The following VAV2 variants were observed in gnomAD, a reference collection of about 807,000 sequenced individuals.
VAV2 encodes vav guanine nucleotide exchange factor 2, also known as guanine nucleotide exchange factor VAV2.
A neutral mutation model predicts 132.5 loss-of-function variants in VAV2; 67 were observed. The ratio of observed to expected loss-of-function variants is 0.51; its 90% CI spans 0.42 to 0.62. The LOEUF is 0.62. Ranked by LOEUF, VAV2 falls within the 20% of genes least tolerant of loss-of-function variation. VAV2 has a pLI of 0.00. For synonymous variants in VAV2, 492 were observed against 443.5 expected, an observed-to-expected ratio of 1.11 and a Z score of -1.37; for missense variants, 938 against 1,153.6, an observed-to-expected ratio of 0.81 and a Z score of 2.71.
intron 5 of VAV2, among the ~76,000 whole-genome samples, chr9:133,811,579 C>T (rs1350944905): frequency 1.3e-5 from 2 of 152,194 alleles, no homozygotes; most frequent in East Asian, 1.9e-4. Context: ...TAAACCCACG[C>T]GGAGCAAACT....
At chr9:133,820,765 C>A (rs376002317) in intron 4 of VAV2, among the ~76,000 whole-genome samples, 18 of 152,314 alleles carry the variant, frequency 1.2e-4, no homozygotes, top group East Asian at 9.6e-4. Context: ...AGGGAACCCT[C>A]AGGGGCTGGG....
At chr9:133,861,507 C>T (rs1837595342) in intron 2 of VAV2, 75 bp from the exon 3 acceptor site, 5 of 1,537,982 alleles carry the variant, frequency 3.3e-6, no homozygotes, top group Admixed American at 1.8e-5. Context: ...GGGGACGCTG[C>T]TTTGCAGGAC....
chr9:133,872,693 G>A (rs1404406306), intron 2 of VAV2, among the ~76,000 whole-genome samples: 1 of 152,078 alleles, frequency 6.6e-6, no homozygotes, highest in Admixed American at 6.5e-5. Context: ...TGGAGCACAG[G>A]AGGAGGCGTA....
chr9:133,989,626 A>G (rs1842956481), intron 1 of VAV2, among the ~76,000 whole-genome samples: 1 of 149,500 alleles, frequency 6.7e-6, no homozygotes, highest in Non-Finnish European at 1.5e-5. Flanking sequence ...TGGAGGTTGC[A>G]GTGAGCTGAG....
intron 2 of VAV2, among the ~76,000 whole-genome samples, chr9:133,904,198 C>G (rs1043425670): frequency 6.6e-6 from 1 of 152,216 alleles, no homozygotes; most frequent in African/African-American, 2.4e-5. Flanking sequence ...GGCTCTCCCC[C>G]AGAGCTCCGC....
intron 2 of VAV2, among the ~76,000 whole-genome samples, chr9:133,914,813 G>GAGGAGGGGAGGGCACGGGAGGAA (rs1167276369): frequency 1.4e-5 from 2 of 143,556 alleles, no homozygotes; most frequent in Non-Finnish European, 3.1e-5. Flanking sequence ...GAAGGGAGAA[G>GAGGAGGGGAGGGCACGGGAGGAA]GGGAGGGGAG....
rs1833978113 is a variant in VAV2 at position 133,780,728 on chromosome 9, C to G, written c.1724-18G>C. The G allele has an allele frequency of 1.6e-6, 2 of 1,273,848 alleles. No individual in the cohort carries two copies. Among genetic ancestry groups the G allele is most frequent in the South Asian group, 3.2e-5 (1 of 30,990 alleles). 78.9% of individuals were successfully genotyped at this position (1,273,848 alleles called of 1,614,324 possible). A position where few individuals can be genotyped will look rare whatever the true frequency, so the allele number is the denominator to read the frequency against. ...AGGAGAAGCTGGAAAGGAAGCAGGT[C>G]AGGTGTTAGAGGGGAGGCCACCGAC... On this transcript the variant is annotated intron_variant, in intron 19 of 29. Coordinates refer to ENST00000371850, the MANE Select transcript of VAV2 (RefSeq NM_001134398.2).
At chr9:133,910,087 G>A (rs1381636919) in intron 2 of VAV2, among the ~76,000 whole-genome samples, 3 of 152,154 alleles carry the variant, frequency 2.0e-5, no homozygotes, top group South Asian at 2.1e-4. Flanking sequence ...CTGAAAAGTC[G>A]GCTTCAATGA....
At chr9:133,903,096 AG>A (rs1194657154) in intron 2 of VAV2, among the ~76,000 whole-genome samples, 2 of 150,542 alleles carry the variant, frequency 1.3e-5, no homozygotes, top group African/African-American at 4.9e-5. Context: ...AAAAAAAAAA[AG>A]AGGTAGTTTG....
At position 133,928,412 on chromosome 9, in the gene VAV2, C is replaced by A. The variant is rs769257724; in HGVS notation, c.321+10691G>T. ...GCCGGGAGCCTGAGGCAGCTCCCCA[C>A]CCCAGCGAGGAGCGACTGCATTTTA... On this transcript the variant is annotated intron_variant, in intron 2 of 29. Transcript: ENST00000371850. This position sits in a 1 kb window ranked among gnomAD's most constrained non-coding sequence, Gnocchi z 5.4. 6.6e-6 allele frequency among the ~76,000 whole-genome samples: 1 copy of A among 152,202 alleles called. No homozygotes were observed. Among genetic ancestry groups the A allele is most frequent in the Non-Finnish European group, 1.5e-5 (1 of 68,048 alleles).
intron 6 of VAV2, among the ~76,000 whole-genome samples, 160 bp from the exon 7 acceptor site, chr9:133,809,298 A>T (rs895584923): frequency 6.6e-6 from 1 of 152,182 alleles, no homozygotes; most frequent in Non-Finnish European, 1.5e-5. Flanking sequence ...TGGGTGACAG[A>T]GAGGGCCAAC....
intron 1 of VAV2, among the ~76,000 whole-genome samples, chr9:133,952,085 C>T (rs1050648248): frequency 2.0e-5 from 3 of 152,052 alleles, no homozygotes; most frequent in East Asian, 1.9e-4. Flanking sequence ...CTCTTACGAC[C>T]TCATCTAAAC....
Position 133,857,969 on chromosome 9 carries a change from C to T in VAV2, c.380+3405G>A, listed in dbSNP as rs1392482600. Among the ~76,000 whole-genome samples the T allele has an allele frequency of 6.6e-6, 1 of 152,222 alleles. No individual in the cohort carries two copies. The highest frequency in any genetic ancestry group is 1.5e-5 in the Non-Finnish European group (1 of 68,036). On this transcript the variant is annotated intron_variant, in intron 3 of 29. Transcript: ENST00000371850. The surrounding 1 kb of genome is among the most constrained non-coding windows in gnomAD (Gnocchi z 4.0). ...TCGCTCTGCGCCCAGGAGGCCCTTC[C>T]CTTTGGCCTGCAAACACCTCCCCTT...
At chr9:133,800,523 G>A (rs546849834) in intron 9 of VAV2, among the ~76,000 whole-genome samples, 73 of 152,302 alleles carry the variant, frequency 4.8e-4, no homozygotes, top group African/African-American at 1.7e-3. Context: ...ACCAGGCCCC[G>A]CACCACTGCG....
Position 133,861,199 on chromosome 9 carries a change from C to T in VAV2, c.380+175G>A, listed in dbSNP as rs55719427. 7.3e-3 allele frequency: 4,469 copies of T among 612,956 alleles called. 37 individuals are homozygous for T. Among genetic ancestry groups the T allele is most frequent in the Non-Finnish European group, 9.8e-3 (3,777 of 383,802 alleles). The allele number at this position is 612,956 out of a possible 1,614,324, so 38.0% of individuals were successfully genotyped here. On this transcript the variant is annotated intron_variant, in intron 3 of 29. Coordinates refer to ENST00000371850, the MANE Select transcript of VAV2 (RefSeq NM_001134398.2). ...CCCCGGTGTGAGCTGAAGCCTCCCG[C>T]CCCCCACACCCCTTCCTGCAGCCGC...
intron 1 of VAV2, among the ~76,000 whole-genome samples, chr9:133,976,724 G>C (rs1374055390): frequency 7.9e-5 from 12 of 152,336 alleles, no homozygotes; most frequent in Non-Finnish European, 1.2e-4. Context: ...CGTTTTAAGA[G>C]AATCACGTGG....
intron 13 of VAV2, among the ~76,000 whole-genome samples, chr9:133,791,309 G>A (rs951094700): frequency 2.0e-5 from 3 of 152,142 alleles, no homozygotes; most frequent in Non-Finnish European, 2.9e-5. Context: ...GGGGTCCGAG[G>A]AGCAGAGGCG....
intron 3 of VAV2, among the ~76,000 whole-genome samples, chr9:133,841,459 G>A (rs7034116): frequency 0.01 from 1,532 of 152,150 alleles, 23 homozygotes; most frequent in African/African-American, 0.035. Context: ...TTTCCCTGGG[G>A]ACAACCACCA....
intron 18 of VAV2, among the ~76,000 whole-genome samples, chr9:133,783,995 A>G (rs998435581): frequency 6.7e-6 from 1 of 150,354 alleles, no homozygotes; most frequent in African/African-American, 2.5e-5. Context: ...ATTCTCCCAC[A>G]TCAGCCTCCC....
Sources: allele counts gnomAD v4.1 joint callset (sites outside exome capture counted in the v4.1 genomes callset), GRCh38; gene constraint gnomAD v4.1.1; non-coding constraint Gnocchi (gnomAD v3.1); transcripts MANE v1.5; gene names NCBI Gene and HGNC (gene_info 2026-07-23, HGNC 2026-07-21).